The following PARD3B variants were observed in gnomAD, a reference collection of about 807,000 sequenced individuals.
PARD3B encodes partitioning defective 3 homolog B.
Under a neutral mutation model 130.2 loss-of-function variants are expected in PARD3B, and 103 were observed. That is an observed-to-expected ratio of 0.79 (90% confidence interval 0.67 to 0.93). The LOEUF is 0.93. Among genes scored for constraint, PARD3B ranks in the 40% least tolerant of loss-of-function variants. The pLI is 0.00. For synonymous variants in PARD3B, 583 were observed against 553.2 expected (o/e 1.05, Z -0.76); for missense variants, 1,609 against 1,499.2 (o/e 1.07, Z -1.21).
intron 3 of PARD3B, among the ~76,000 whole-genome samples, chr2:204,966,273 A>G (rs760583598): frequency 5.3e-5 from 8 of 152,208 alleles, no homozygotes; most frequent in Non-Finnish European, 1.0e-4. Context: ...TTGGAAAAGC[A>G]TCTGTAGTGC....
chr2:205,212,679 G>T (rs893307711), intron 15 of PARD3B, among the ~76,000 whole-genome samples: 6 of 152,214 alleles, frequency 3.9e-5, no homozygotes, highest in Middle Eastern at 3.4e-3. Context: ...ATTAACCATG[G>T]ACGGTGATGA....
At chr2:205,050,470 A>G (rs1028373120) in intron 4 of PARD3B, among the ~76,000 whole-genome samples, 2 of 151,880 alleles carry the variant, frequency 1.3e-5, no homozygotes, top group African/African-American at 4.8e-5. Flanking sequence ...GTTTAGATCT[A>G]CAGTGTCTAG....
Position 205,176,320 on chromosome 2 carries a change from G to T in PARD3B, c.1792-125G>T. On this transcript the variant is annotated intron_variant, in intron 12 of 22. Transcript: ENST00000406610. This position sits in a 1 kb window ranked among gnomAD's most constrained non-coding sequence, Gnocchi z 5.3. ...AGGGCCATTTTGAGTTTCCACAGTT[G>T]AGGACTTAAGTGTAATAGACTCTTG... The T allele has an allele frequency of 1.1e-6, 1 of 927,300 alleles. No homozygotes were observed. Among genetic ancestry groups the T allele is most frequent in the Non-Finnish European group, 1.5e-6 (1 of 648,466 alleles). 57.4% of individuals were successfully genotyped at this position (927,300 alleles called of 1,614,324 possible).
Position 204,744,417 on chromosome 2 carries a change from C to T in PARD3B, c.222+58135C>T, listed in dbSNP as rs924729917. Reference sequence around the variant, plus strand: ...TAAAAACATTTTGAATTTTGTAGCACATTTTTCTAATTCTTAGGTGCCAAT... The same window carrying T: ...TAAAAACATTTTGAATTTTGTAGCATATTTTTCTAATTCTTAGGTGCCAAT... On this transcript the variant is annotated intron_variant, in intron 2 of 22. Transcript: ENST00000406610. Among the ~76,000 whole-genome samples, 11 of 152,152 alleles carry T rather than the reference C, an allele frequency of 7.2e-5. No individual in the cohort carries two copies. In the East Asian group the frequency reaches 1.9e-3, roughly 27 times the overall value.
chr2:204,756,192 A>C (rs1474708036), intron 2 of PARD3B, among the ~76,000 whole-genome samples: 1 of 152,152 alleles, frequency 6.6e-6, no homozygotes, highest in Non-Finnish European at 1.5e-5. Flanking sequence ...AGGGGGTCAC[A>C]CAAGATTACC....
chr2:205,035,356 C>T lies in PARD3B; in HGVS notation c.395-12225C>T, dbSNP rs145591169. On this transcript the variant is annotated intron_variant, in intron 3 of 22. Coordinates refer to ENST00000406610, the MANE Select transcript of PARD3B (RefSeq NM_001302769.2). The stretch of plus-strand genomic sequence containing the variant: ...CTGCTACAGGTTTGTGTCTTACTAG[C>T]GTGGGAATTTTAATTCTGTGCTGCA... Among the ~76,000 whole-genome samples, 1,213 of 152,178 alleles carry T rather than the reference C, an allele frequency of 8.0e-3. 9 individuals are homozygous for T. Among genetic ancestry groups the T allele is most frequent in the African/African-American group, 0.027 (1,113 of 41,522 alleles).
At chr2:204,585,649 G>T (rs1040609238) in intron 1 of PARD3B, among the ~76,000 whole-genome samples, 1 of 151,960 alleles carries the variant, frequency 6.6e-6, no homozygotes, top group Admixed American at 6.6e-5. Flanking sequence ...AGTCTAATGG[G>T]CAGATAATTT....
chr2:205,535,829 G>A (rs1038527627), intron 21 of PARD3B, among the ~76,000 whole-genome samples: 14 of 152,164 alleles, frequency 9.2e-5, no homozygotes, highest in African/African-American at 3.1e-4. Context: ...ACAGAAATTA[G>A]TAATTAGAAA....
intron 3 of PARD3B, among the ~76,000 whole-genome samples, chr2:204,997,091 A>G (rs1694288049): frequency 6.6e-6 from 1 of 152,116 alleles, no homozygotes; most frequent in Non-Finnish European, 1.5e-5. Flanking sequence ...CTATTCGGCC[A>G]TCTTGGCTCC....
intron 10 of PARD3B, among the ~76,000 whole-genome samples, chr2:205,154,712 A>T (rs1024856675): frequency 2.6e-5 from 4 of 152,232 alleles, no homozygotes; most frequent in African/African-American, 4.8e-5. Flanking sequence ...AATACTATGC[A>T]TCCATAAAAA....
intron 10 of PARD3B, among the ~76,000 whole-genome samples, chr2:205,127,222 G>A (rs1479496978): frequency 1.3e-5 from 2 of 151,326 alleles, no homozygotes; most frequent in Non-Finnish European, 2.9e-5. Context: ...GCTTGAACCT[G>A]GGAAGCAGAG....
chr2:205,021,650 C>G lies in PARD3B; in HGVS notation c.395-25931C>G, dbSNP rs13396937. 1.0e-5 allele frequency among the ~76,000 whole-genome samples: 1 copy of G among 98,234 alleles called. No homozygotes were observed. Among genetic ancestry groups the G allele is most frequent in the Non-Finnish European group, 2.4e-5 (1 of 41,832 alleles). 64.4% of individuals were successfully genotyped at this position (98,234 alleles called of 152,430 possible). On this transcript the variant is annotated intron_variant, in intron 3 of 22. Transcript: ENST00000406610. This position sits in a 1 kb window ranked among gnomAD's most constrained non-coding sequence, Gnocchi z 4.5. ...TCTCTTTCTCTCTCTCTCTCTCTCT[C>G]TATATATATATATATAGTTAATCTT...
chr2:204,878,829 G>A (rs1343908544), intron 2 of PARD3B, among the ~76,000 whole-genome samples: 2 of 152,166 alleles, frequency 1.3e-5, no homozygotes, highest in East Asian at 3.8e-4. Context: ...CAGAATGTAT[G>A]TGATTATTAG....
At chr2:204,885,297 T>G (rs1231063441) in intron 2 of PARD3B, among the ~76,000 whole-genome samples, 1 of 152,226 alleles carries the variant, frequency 6.6e-6, no homozygotes, top group Non-Finnish European at 1.5e-5. Context: ...TGTCTATTCA[T>G]GTCCTTTGCC....
intron 1 of PARD3B, among the ~76,000 whole-genome samples, chr2:204,672,799 C>T (rs764056829): frequency 3.3e-5 from 5 of 152,140 alleles, no homozygotes; most frequent in African/African-American, 4.8e-5. Flanking sequence ...GCCCTCCTAA[C>T]TGCTCATTAG....
At chr2:205,607,962 T>A (rs2055076164) in intron 22 of PARD3B, among the ~76,000 whole-genome samples, 2 of 151,882 alleles carry the variant, frequency 1.3e-5, no homozygotes, top group Admixed American at 6.6e-5. Flanking sequence ...AATCTAATGA[T>A]CATAGGTAGT....
At chr2:204,619,654 G>C (rs1015897292) in intron 1 of PARD3B, among the ~76,000 whole-genome samples, 2 of 152,048 alleles carry the variant, frequency 1.3e-5, no homozygotes, top group African/African-American at 4.8e-5. Flanking sequence ...TGACTTCTGG[G>C]TGTCCATTTC....
chr2:204,581,100 T>G (rs1183610811), intron 1 of PARD3B, among the ~76,000 whole-genome samples: 1 of 152,202 alleles, frequency 6.6e-6, no homozygotes, highest in Non-Finnish European at 1.5e-5. Flanking sequence ...TTTCAAACCA[T>G]AGACTATTAC....
At chr2:205,313,959 T>A (rs980443004) in intron 18 of PARD3B, among the ~76,000 whole-genome samples, 17 of 152,246 alleles carry the variant, frequency 1.1e-4, no homozygotes, top group Non-Finnish European at 1.6e-4. Context: ...CCTATTTGCA[T>A]ACTCATATTA....
Sources: allele counts gnomAD v4.1 joint callset (sites outside exome capture counted in the v4.1 genomes callset), GRCh38; gene constraint gnomAD v4.1.1; non-coding constraint Gnocchi (gnomAD v3.1); transcripts MANE v1.5; gene names NCBI Gene and HGNC (gene_info 2026-07-23, HGNC 2026-07-21).